The following SLF1 variants were observed in gnomAD, a reference collection of about 807,000 sequenced individuals.
SLF1 encodes SMC5/6 complex localization factor 1.
SLF1 carries 105 observed loss-of-function variants against 123.0 expected under a neutral mutation model. That is an observed-to-expected ratio of 0.85 (90% CI 0.73 to 1.00). The LOEUF is 1.00. Among genes scored for constraint, SLF1 ranks in the 50% least tolerant of loss-of-function variants. The pLI is 0.00. For missense variants in SLF1, 1,239 were observed against 1,223.0 expected (o/e 1.01, Z -0.20); for synonymous variants, 434 against 406.6 (o/e 1.07, Z -0.81).
At chr5:94,675,904 ATTTTT>A (rs70978120) in intron 14 of SLF1, among the ~76,000 whole-genome samples, 16 of 121,712 alleles carry the variant, frequency 1.3e-4, no homozygotes, top group African/African-American at 4.6e-4. Context: ...CAACTGGTTG[ATTTTT>A]TTTTTTTTTT....
At chr5:94,687,692 A>C in intron 16 of SLF1, among the ~76,000 whole-genome samples, 1 of 83,496 alleles carries the variant, frequency 1.2e-5, no homozygotes, top group African/African-American at 4.6e-5. Flanking sequence ...ACCCTGTCTC[A>C]ACAACAACAA....
chr5:94,684,418 G>T (rs1752147728), intron 15 of SLF1, among the ~76,000 whole-genome samples: 1 of 152,066 alleles, frequency 6.6e-6, no homozygotes, highest in South Asian at 2.1e-4. Context: ...TTGTATCTCG[G>T]CCAGGTGCGG....
chr5:94,619,019 G>A (rs1354227985), intron 1 of SLF1, among the ~76,000 whole-genome samples: 2 of 152,090 alleles, frequency 1.3e-5, no homozygotes, highest in Non-Finnish European at 2.9e-5. Context: ...GTGCCGCTGC[G>A]GGGACTGCCA....
chr5:94,663,969 T>G, intron 11 of SLF1, 61 bp downstream of exon 11: 1 of 1,404,050 alleles, frequency 7.1e-7, no homozygotes. Context: ...TGTGAACATT[T>G]TCTCACTTTT....
At chr5:94,649,663 G>A in intron 6 of SLF1, 66 bp downstream of exon 6, 1 of 1,304,948 alleles carries the variant, frequency 7.7e-7, no homozygotes, top group Non-Finnish European at 1.0e-6. Context: ...AAGAGGCAAA[G>A]TATGGTGGAA....
chr5:94,695,347 T>C lies in SLF1; in HGVS notation c.*35T>C, dbSNP rs1490880739. 3 of 1,562,140 alleles carry C rather than the reference T, an allele frequency of 1.9e-6. No homozygotes were observed. The highest frequency in any genetic ancestry group is 2.6e-6 in the Non-Finnish European group (3 of 1,154,402). Reference sequence around the variant, plus strand: ...AAAGTATGGATTGACTTTCTAAATCTGTTCAGTTTGCATTGGTACTTACTG... The same window carrying C: ...AAAGTATGGATTGACTTTCTAAATCCGTTCAGTTTGCATTGGTACTTACTG... On this transcript the variant is annotated 3_prime_UTR_variant, in exon 21 of 21. Coordinates refer to ENST00000265140, the MANE Select transcript of SLF1 (RefSeq NM_032290.4).
intron 5 of SLF1, among the ~76,000 whole-genome samples, chr5:94,649,013 A>G (rs1026306071): frequency 6.6e-6 from 1 of 152,230 alleles, no homozygotes; most frequent in African/African-American, 2.4e-5. Context: ...AAGTAAGAGT[A>G]TTGTGTAACC....
At chr5:94,620,521 T>C (rs1193014274) in intron 1 of SLF1, among the ~76,000 whole-genome samples, 1 of 152,220 alleles carries the variant, frequency 6.6e-6, no homozygotes, top group African/African-American at 2.4e-5. Flanking sequence ...ATAGTATAGC[T>C]TTTATTTATT....
chr5:94,664,077 A>G (rs1439177395), intron 11 of SLF1, among the ~76,000 whole-genome samples, 169 bp downstream of exon 11: 1 of 152,034 alleles, frequency 6.6e-6, no homozygotes, highest in African/African-American at 2.4e-5. Context: ...TTCCAGCTAC[A>G]TACTAGGTAC....
At chr5:94,655,890 T>A (rs1347334214) in intron 9 of SLF1, among the ~76,000 whole-genome samples, 3 of 152,094 alleles carry the variant, frequency 2.0e-5, no homozygotes, top group Non-Finnish European at 4.4e-5. Context: ...GATCATGTCG[T>A]CTCCAGAGAG....
chr5:94,665,353 G>A (rs1175356396), intron 11 of SLF1, among the ~76,000 whole-genome samples: 1 of 152,166 alleles, frequency 6.6e-6, no homozygotes, highest in African/African-American at 2.4e-5. Context: ...GGTATCAGCT[G>A]TACATAGAGT....
chr5:94,671,064 T>G (rs1750381453), intron 14 of SLF1, 56 bp downstream of exon 14: 23 of 1,237,940 alleles, frequency 1.9e-5, no homozygotes, highest in Non-Finnish European at 2.6e-5. Flanking sequence ...TTTGAATTAT[T>G]TACCTTTTCC....
intron 5 of SLF1, among the ~76,000 whole-genome samples, chr5:94,645,825 G>C (rs147570120): frequency 1.5e-3 from 227 of 152,300 alleles, no homozygotes; most frequent in African/African-American, 5.2e-3. Flanking sequence ...GATCACTTCT[G>C]ATCACAGAAG....
intron 14 of SLF1, 36 bp downstream of exon 14, chr5:94,671,044 G>A (rs1258315895): frequency 3.0e-6 from 4 of 1,348,088 alleles, no homozygotes; most frequent in Non-Finnish European, 4.0e-6. Flanking sequence ...ATAGTCTATG[G>A]AAACAGCACT....
At chr5:94,686,445 CATGTGGATGAATCTTAT>C in intron 15 of SLF1, 111 bp from the exon 16 acceptor site, 1 of 988,886 alleles carries the variant, frequency 1.0e-6, no homozygotes, top group Non-Finnish European at 1.5e-6. Context: ...GGATTAAAAT[CATGTGGATGAATCTTAT>C]AGGTGTAAGA....
chr5:94,689,663 A>G, intron 18 of SLF1, 57 bp downstream of exon 18: 1 of 1,502,726 alleles, frequency 6.7e-7, no homozygotes, highest in South Asian at 1.2e-5. Flanking sequence ...TATAGTCAGT[A>G]CTTGCAGGTT....
chr5:94,654,622 A>G lies in SLF1; in HGVS notation c.1033-8A>G, dbSNP rs960279719. The G allele has an allele frequency of 3.9e-6, 6 of 1,530,406 alleles. No individual in the cohort carries two copies. Among genetic ancestry groups the G allele is most frequent in the African/African-American group, 2.8e-5 (2 of 72,032 alleles). The allele number at this position is 1,530,406 out of a possible 1,614,324, so 94.8% of individuals were successfully genotyped here. ...TTTTCTAAAGTCATTTTACTTTGCTATATGCAGAAAGAAATGAAGAATTCT... is the reference window on the plus strand; with the variant it reads ...TTTTCTAAAGTCATTTTACTTTGCTGTATGCAGAAAGAAATGAAGAATTCT... On this transcript the variant is annotated splice_polypyrimidine_tract_variant and splice_region_variant and intron_variant, in intron 8 of 20. Coordinates refer to ENST00000265140, the MANE Select transcript of SLF1 (RefSeq NM_032290.4).
chr5:94,677,992 C>T (rs978638554), intron 14 of SLF1, among the ~76,000 whole-genome samples: 3 of 151,552 alleles, frequency 2.0e-5, no homozygotes, highest in African/African-American at 7.3e-5. Context: ...ACAATCTCCT[C>T]TTACTGCAAG....
intron 7 of SLF1, 31 bp from the exon 8 acceptor site, chr5:94,653,241 T>G: frequency 6.8e-6 from 10 of 1,471,524 alleles, no homozygotes; most frequent in Non-Finnish European, 9.1e-6. Context: ...TCATTGATGT[T>G]GAGATTTAAT....
Sources: allele counts gnomAD v4.1 joint callset (sites outside exome capture counted in the v4.1 genomes callset), GRCh38; gene constraint gnomAD v4.1.1; transcripts MANE v1.5; gene names NCBI Gene and HGNC (gene_info 2026-07-23, HGNC 2026-07-21).